MYO9A: variants seen among roughly 807,000 people sequenced by gnomAD.
MYO9A encodes the protein myosin IXA.
Under a neutral mutation model 293.3 loss-of-function variants are expected in MYO9A, and 103 were observed. The ratio of observed to expected loss-of-function variants is 0.35; its 90% confidence interval spans 0.30 to 0.41. MYO9A has a LOEUF of 0.41. Ranked by LOEUF, MYO9A falls within the 10% of genes least tolerant of loss-of-function variation. The pLI is 1.00. For missense variants in MYO9A, 2,685 were observed against 3,033.0 expected (o/e 0.89, Z 2.69); for synonymous variants, 1,001 against 1,035.7 (o/e 0.97, Z 0.64).
intron 8 of MYO9A, among the ~76,000 whole-genome samples, chr15:72,002,155 T>C (rs528501257): frequency 4.6e-5 from 7 of 152,178 alleles, no homozygotes; most frequent in African/African-American, 1.7e-4. Flanking sequence ...GGAAGATTGT[T>C]TGAGCCCAGG....
intron 15 of MYO9A, among the ~76,000 whole-genome samples, chr15:71,946,846 G>A (rs1384497235): frequency 6.6e-6 from 1 of 152,212 alleles, no homozygotes; most frequent in Non-Finnish European, 1.5e-5. Context: ...GGATGTAGTG[G>A]CTCACATCTG....
chr15:72,020,979 C>T lies in MYO9A; in HGVS notation c.1037G>A (p.Ser346Asn). The T allele has an allele frequency of 1.9e-6, 3 of 1,554,576 alleles. No homozygotes were observed. Among genetic ancestry groups the T allele is most frequent in the Non-Finnish European group, 2.6e-6 (3 of 1,159,164 alleles). Residue 346 changes from serine to asparagine, a missense_variant, in exon 5 of 42, where the codon AGT (serine) becomes AAT (asparagine). Around this residue, in one of 10 missense-constraint regions of MYO9A, gnomAD observed 289 missense variants for 456.8 expected, o/e 0.63. Transcript: ENST00000356056. ...HVFYYLLAGA[S>N]EDERSAFHLK... is the part of the protein sequence containing the mutation. ...ATGGAATGCTGATCTCTCATCTTCA[C>T]TTGCTCCTGCCAGGAGGTAATAGAA... is the stretch of plus-strand genomic sequence containing the variant.
chr15:71,909,154 A>G (rs2057760605), intron 19 of MYO9A, among the ~76,000 whole-genome samples: 1 of 152,226 alleles, frequency 6.6e-6, no homozygotes, highest in South Asian at 2.1e-4. Context: ...CCATTCACCT[A>G]CTGAAGGACA....
At position 71,991,252 on chromosome 15, in the gene MYO9A, A is replaced by G. The variant is rs772589504; in HGVS notation, c.1588-15T>C. 29 of 1,560,126 alleles carry G rather than the reference A, an allele frequency of 1.9e-5. No individual in the cohort carries two copies. In the South Asian group the frequency reaches 3.2e-4, roughly 17 times the overall value. ...ATAGACAATGTCTGTAAAACAAGAG[A>G]AAGTTTTGATTAAAAGTAATGTTTA... On this transcript the variant is annotated splice_polypyrimidine_tract_variant and intron_variant, in intron 10 of 41. Coordinates refer to ENST00000356056, the MANE Select transcript of MYO9A (RefSeq NM_006901.4).
chr15:71,858,181 T>C (rs2055944471), intron 34 of MYO9A, among the ~76,000 whole-genome samples: 1 of 152,254 alleles, frequency 6.6e-6, no homozygotes, highest in South Asian at 2.1e-4. Context: ...GGTTCAACCA[T>C]TGTGGAAGAC....
At chr15:72,069,656 A>T (rs1168411852) in intron 1 of MYO9A, among the ~76,000 whole-genome samples, 1 of 152,222 alleles carries the variant, frequency 6.6e-6, no homozygotes, top group Non-Finnish European at 1.5e-5. Context: ...AGGTAGAAAC[A>T]TGTATTACTT....
chr15:71,836,184 AAGAC>A (rs1484961524), intron 39 of MYO9A, among the ~76,000 whole-genome samples: 13 of 152,100 alleles, frequency 8.5e-5, no homozygotes. Flanking sequence ...ACATCAGAAA[AAGAC>A]AGACAATCCA....
chr15:71,933,989 G>A (rs1339668413), intron 17 of MYO9A, among the ~76,000 whole-genome samples: 1 of 151,964 alleles, frequency 6.6e-6, no homozygotes, highest in Non-Finnish European at 1.5e-5. Flanking sequence ...TAAGCCACAG[G>A]TTCATTTTCT....
intron 1 of MYO9A, among the ~76,000 whole-genome samples, chr15:72,104,058 C>A (rs1482981498): frequency 6.6e-6 from 1 of 152,188 alleles, no homozygotes; most frequent in Non-Finnish European, 1.5e-5. Context: ...AGTGCAAAAT[C>A]GATATGCATT....
At chr15:71,860,624 G>A (rs1002181183) in intron 33 of MYO9A, among the ~76,000 whole-genome samples, 1 of 152,078 alleles carries the variant, frequency 6.6e-6, no homozygotes, top group Non-Finnish European at 1.5e-5. Flanking sequence ...CATTGTACTG[G>A]TGAAATAATC....
chr15:71,827,457 A>G (rs954161543), intron 41 of MYO9A, among the ~76,000 whole-genome samples: 1 of 152,158 alleles, frequency 6.6e-6, no homozygotes, highest in Non-Finnish European at 1.5e-5. Flanking sequence ...GACAACATAT[A>G]TTGTGATTAT....
intron 1 of MYO9A, among the ~76,000 whole-genome samples, chr15:72,099,856 C>G (rs374366405): frequency 1.6e-3 from 204 of 129,052 alleles, no homozygotes; most frequent in Middle Eastern, 5.6e-3. Context: ...GAGCCGAGAT[C>G]GAGCCACTGC....
Position 71,830,270 on chromosome 15 carries a change from C to T in MYO9A, c.6879G>A (p.Ser2293=), listed in dbSNP as rs146276674. ...RIRRGNYPGP[S]SPVVVRLPSV... is the part of the protein sequence containing the mutation. ...AAGGCAACCGAACTACAACAGGAGA[C>T]GATGGACCTGGATAGTTTCCTCGAC... The change falls in exon 40 of 42, where the codon TCG becomes TCA. Residue 2293 remains serine (S), a synonymous_variant. Transcript: ENST00000356056. The T allele has an allele frequency of 1.1e-4, 183 of 1,613,832 alleles. No individual in the cohort carries two copies. The highest frequency in any genetic ancestry group is 1.4e-4 in the Non-Finnish European group (170 of 1,179,954).
intron 1 of MYO9A, among the ~76,000 whole-genome samples, chr15:72,101,502 C>T (rs1394909397): frequency 4.4e-5 from 4 of 91,636 alleles, no homozygotes; most frequent in African/African-American, 8.3e-5. Flanking sequence ...CCGCCCCGTC[C>T]GGGAGGGAGG....
chr15:71,981,641 G>GTGTCTCTC (rs1298978375), intron 11 of MYO9A, among the ~76,000 whole-genome samples: 1 of 144,396 alleles, frequency 6.9e-6, no homozygotes, highest in Non-Finnish European at 1.5e-5. Flanking sequence ...TCTCTGTCTT[G>GTGTCTCTC]TCTCTCTCTC....
intron 12 of MYO9A, among the ~76,000 whole-genome samples, chr15:71,968,987 G>C (rs966556723): frequency 6.6e-6 from 1 of 152,142 alleles, no homozygotes; most frequent in Non-Finnish European, 1.5e-5. Flanking sequence ...TAATTACATA[G>C]TATGCATTGC....
In MYO9A at chr15:72,019,052, T is replaced by C. The variant is rs749945729; in HGVS notation, c.1142A>G (p.Tyr381Cys). The C allele has an allele frequency of 4.3e-6, 7 of 1,613,714 alleles. No homozygotes were observed. Among genetic ancestry groups the C allele is most frequent in the East Asian group, 4.5e-5 (2 of 44,846 alleles). The change falls in exon 6 of 42, where the codon TAT (tyrosine) becomes TGT (cysteine). Residue 381 changes from tyrosine to cysteine, a missense_variant. Tyr to Cys is a radical substitution (Grantham distance 194, BLOSUM62 -2). This residue lies in a region of MYO9A where 289 missense variants were observed against 456.8 expected (regional missense o/e 0.63). Coordinates refer to ENST00000356056, the MANE Select transcript of MYO9A (RefSeq NM_006901.4). Reference sequence around the variant, plus strand: ...ACTTGTACTGACCGGCTCAGAGTCATAGCAATAATCATCCCAGCTCTGTCT... The same window carrying C: ...ACTTGTACTGACCGGCTCAGAGTCACAGCAATAATCATCCCAGCTCTGTCT... ...PLRQSWDDYC[Y>C]DSEPDCFTVE...
chr15:72,004,149 AT>A, intron 8 of MYO9A, among the ~76,000 whole-genome samples: 1 of 152,360 alleles, frequency 6.6e-6, no homozygotes, highest in East Asian at 1.9e-4. Flanking sequence ...ATTCTTAAAT[AT>A]ATTACTTTTA....
Position 71,826,493 on chromosome 15 carries a change from C to CTATTGTGGACGAGGTGATGAAACG in MYO9A, c.*63_*86dup, listed in dbSNP as rs1474279997. 612 of 1,259,786 alleles carry CTATTGTGGACGAGGTGATGAAACG rather than the reference C, an allele frequency of 4.9e-4. 2 individuals are homozygous for CTATTGTGGACGAGGTGATGAAACG. The highest frequency in any genetic ancestry group is 6.7e-4 in the Admixed American group (29 of 43,158). 78.0% of individuals were successfully genotyped at this position (1,259,786 alleles called of 1,614,324 possible). Reference sequence around the variant, plus strand: ...GAGGCAGGACCACAATTAGGATTGACTATTGTGGACGAGGTGATGAAACGC... The same window carrying CTATTGTGGACGAGGTGATGAAACG: ...GAGGCAGGACCACAATTAGGATTGACTATTGTGGACGAGGTGATGAAACGTATTGTGGACGAGGTGATGAAACGC... On this transcript the variant is annotated 3_prime_UTR_variant, in exon 42 of 42. Coordinates refer to ENST00000356056, the MANE Select transcript of MYO9A (RefSeq NM_006901.4).
Sources: gnomAD v4.1 joint callset for allele counts (sites outside exome capture counted in the v4.1 genomes callset) on GRCh38, gnomAD v4.1.1 for gene constraint, gnomAD v4.1.1 regional missense constraint, MANE v1.5 for transcripts, NCBI Gene and HGNC (gene_info 2026-07-23, HGNC 2026-07-21) for gene names.